IQGAP1: variants seen among roughly 807,000 people sequenced by gnomAD.
IQGAP1 encodes IQ motif containing GTPase activating protein 1.
A neutral mutation model predicts 215.6 loss-of-function variants in IQGAP1; 66 were observed. The ratio of observed to expected loss-of-function variants is 0.31; its 90% confidence interval spans 0.25 to 0.38. The LOEUF (loss-of-function observed/expected upper bound fraction) is 0.38, where lower values mean the gene tolerates loss of function less well. Ranked by LOEUF, IQGAP1 falls within the 10% of genes least tolerant of loss-of-function variation. The pLI, the probability that IQGAP1 is intolerant of heterozygous loss-of-function variation, is 1.00. For missense variants in IQGAP1, 1,712 were observed against 1,997.1 expected, an observed-to-expected ratio of 0.86 and a Z score of 2.72; for synonymous variants, 772 against 728.7, an observed-to-expected ratio of 1.06 and a Z score of -0.96.
At chr15:90,438,568 A>G (rs942344128) in intron 5 of IQGAP1, among the ~76,000 whole-genome samples, 1 of 152,190 alleles carries the variant, frequency 6.6e-6, no homozygotes, top group African/African-American at 2.4e-5. Context: ...ACCTGGATTA[A>G]ACTTTTCCAT....
At chr15:90,441,842 TC>T (rs1965455214) in intron 8 of IQGAP1, among the ~76,000 whole-genome samples, 158 bp downstream of exon 8, 1 of 152,200 alleles carries the variant, frequency 6.6e-6, no homozygotes, top group African/African-American at 2.4e-5. Flanking sequence ...GTATATGTGA[TC>T]ATTTAACCAT....
intron 2 of IQGAP1, among the ~76,000 whole-genome samples, chr15:90,419,011 G>T (rs981439074): frequency 2.0e-4 from 31 of 152,154 alleles, no homozygotes; most frequent in African/African-American, 7.0e-4. Flanking sequence ...GCCGGGTGTT[G>T]TGGCACATGC....
intron 2 of IQGAP1, among the ~76,000 whole-genome samples, chr15:90,415,988 C>G (rs1295673268): frequency 2.0e-5 from 3 of 151,552 alleles, no homozygotes; most frequent in Non-Finnish European, 2.9e-5. Context: ...TTTTTTTGTC[C>G]TTTGTATTAT....
At chr15:90,450,745 T>G (rs1005861748) in intron 11 of IQGAP1, among the ~76,000 whole-genome samples, 1 of 152,110 alleles carries the variant, frequency 6.6e-6, no homozygotes, top group African/African-American at 2.4e-5. Flanking sequence ...TTTGTGTGTC[T>G]TCTTTTGATA....
At chr15:90,404,072 C>T (rs1016352) in intron 2 of IQGAP1, among the ~76,000 whole-genome samples, 2,398 of 152,320 alleles carry the variant, frequency 0.016, 62 homozygotes, top group African/African-American at 0.054. Flanking sequence ...AACCTGTCAA[C>T]GGACATTTTC....
intron 2 of IQGAP1, among the ~76,000 whole-genome samples, chr15:90,408,675 C>A (rs922937216): frequency 5.9e-5 from 9 of 152,130 alleles, no homozygotes; most frequent in Non-Finnish European, 1.5e-5. Context: ...TGTGGGCATC[C>A]CTGTCTCTAC....
At chr15:90,398,899 T>C (rs1016622813) in intron 2 of IQGAP1, among the ~76,000 whole-genome samples, 1 of 149,422 alleles carries the variant, frequency 6.7e-6, no homozygotes, top group Non-Finnish European at 1.5e-5. Context: ...CCAGCTACTC[T>C]GGAAGCTGAG....
chr15:90,440,530 G>A lies in IQGAP1; in HGVS notation c.564G>A (p.Glu188=). 1 of 1,567,798 alleles carries A rather than the reference G, an allele frequency of 6.4e-7. No individual in the cohort carries two copies. Among genetic ancestry groups the A allele is most frequent in the South Asian group, 1.2e-5 (1 of 85,150 alleles). The change falls in exon 7 of 38, where the codon GAG becomes GAA. Residue 188 remains glutamate, a synonymous_variant. Transcript: ENST00000268182. ...TEEEINNMKT[E]LEKYGIQMPA... ...AAGAAATCAACAACATGAAGACTGA[G>A]TTGGAGAAGTATGGCATCCAGATGC...
chr15:90,401,326 G>T (rs1964801612), intron 2 of IQGAP1, among the ~76,000 whole-genome samples: 1 of 151,944 alleles, frequency 6.6e-6, no homozygotes, highest in African/African-American at 2.4e-5. Flanking sequence ...TTGAATGTTG[G>T]GTTAAAATTT....
chr15:90,472,937 A>G lies in IQGAP1; in HGVS notation c.2276A>G (p.Tyr759Cys), dbSNP rs780223589. The change falls in exon 19 of 38, where the codon TAC becomes TGC. Residue 759 changes from tyrosine to cysteine, a missense_variant. By Grantham distance (194) the Tyr-to-Cys change is radical. Around this residue, in one of 2 missense-constraint regions of IQGAP1, gnomAD observed 1,021 missense variants for 1,074.2 expected, o/e 0.95. Coordinates refer to ENST00000268182, the MANE Select transcript of IQGAP1 (RefSeq NM_003870.4). ...ITRLQARCRGYLVRQEFRSRM... is the reference protein window; with the variant it reads ...ITRLQARCRGCLVRQEFRSRM... ...AGGCTGCAGGCTCGCTGCCGTGGAT[A>G]CTTAGTTCGACAGGAATTCCGATCC... The G allele has an allele frequency of 4.3e-6, 7 of 1,614,116 alleles. No individual in the cohort carries two copies. The highest frequency in any genetic ancestry group is 5.9e-6 in the Non-Finnish European group (7 of 1,179,988).
Position 90,477,057 on chromosome 15 carries a change from T to A in IQGAP1, c.2941-10T>A. On this transcript the variant is annotated splice_polypyrimidine_tract_variant and intron_variant, in intron 24 of 37. Transcript: ENST00000268182. The stretch of plus-strand genomic sequence containing the variant: ...ACCTACAAATGACTTATCCCTTGGT[T>A]TTATTTCAGACCAATCCCACCTATC... 2 of 1,613,352 alleles carry A rather than the reference T, an allele frequency of 1.2e-6. No homozygotes were observed. Among genetic ancestry groups the A allele is most frequent in the Non-Finnish European group, 1.7e-6 (2 of 1,179,652 alleles).
chr15:90,483,694 G>A (rs944584923), intron 29 of IQGAP1, 101 bp downstream of exon 29: 2 of 799,934 alleles, frequency 2.5e-6, no homozygotes, highest in Non-Finnish European at 2.0e-6. Flanking sequence ...TCCCCGGACT[G>A]CCATATGTAG....
intron 15 of IQGAP1, among the ~76,000 whole-genome samples, chr15:90,459,601 G>A (rs1261279177): frequency 8.5e-5 from 13 of 152,288 alleles, no homozygotes; most frequent in East Asian, 1.9e-4. Context: ...GGAGGAAGTC[G>A]GGGGAGTTAA....
rs1467442553 is a variant in IQGAP1, at chr15:90,422,630, A to ATG, written c.156-3479_156-3478insGT. Among the ~76,000 whole-genome samples, 690 of 72,032 alleles carry ATG rather than the reference A, an allele frequency of 9.6e-3. 24 individuals are homozygous for ATG. The highest frequency in any genetic ancestry group is 0.038 in the African/African-American group (673 of 17,490). 47.3% of individuals were successfully genotyped at this position (72,032 alleles called of 152,430 possible). A position where few individuals can be genotyped will look rare whatever the true frequency, so the allele number is the denominator to read the frequency against. ...CATTCATATATATATATATATGTATATATATATATGTATATGTATATATAT... is the reference window on the plus strand; with the variant it reads ...CATTCATATATATATATATATGTATATGTATATATATGTATATGTATATATAT... On this transcript the variant is annotated intron_variant, in intron 2 of 37. Transcript: ENST00000268182.
chr15:90,412,740 A>G (rs1239858829), intron 2 of IQGAP1, among the ~76,000 whole-genome samples: 1 of 152,214 alleles, frequency 6.6e-6, no homozygotes, highest in Non-Finnish European at 1.5e-5. Flanking sequence ...GTGGAGAAAG[A>G]CAGCCAAATT....
At chr15:90,395,289 A>C (rs1441265200) in intron 2 of IQGAP1, among the ~76,000 whole-genome samples, 1 of 150,642 alleles carries the variant, frequency 6.6e-6, no homozygotes, top group Non-Finnish European at 1.5e-5. Flanking sequence ...TGAGTTTTAC[A>C]TTTGTTTAGG....
At position 90,460,516 on chromosome 15, in the gene IQGAP1, G is replaced by C. The variant is rs541351418; in HGVS notation, c.1776+4201G>C. Among the ~76,000 whole-genome samples, 10 of 152,318 alleles carry C rather than the reference G, an allele frequency of 6.6e-5. No homozygotes were observed. The East Asian group carries it at 1.9e-3, about 29-fold the overall frequency. ...TCAGGTCAAATAAAGACAGCCATGC[G>C]AGTGTGACCTCTGAACAGGTCAGCT... On this transcript the variant is annotated intron_variant, in intron 15 of 37. Transcript: ENST00000268182.
chr15:90,393,222 C>T (rs552829406), intron 2 of IQGAP1, among the ~76,000 whole-genome samples: 39 of 151,992 alleles, frequency 2.6e-4, no homozygotes, highest in Non-Finnish European at 4.3e-4. Context: ...GGTTTGGTTC[C>T]AGGACACCTG....
At chr15:90,465,833 T>G (rs923835263) in intron 15 of IQGAP1, among the ~76,000 whole-genome samples, 168 bp from the exon 16 acceptor site, 5 of 152,084 alleles carry the variant, frequency 3.3e-5, no homozygotes, top group African/African-American at 1.2e-4. Flanking sequence ...TCCAACTTTT[T>G]ACCAGTTTTT....
Sources: allele counts gnomAD v4.1 joint callset (sites outside exome capture counted in the v4.1 genomes callset), GRCh38; gene constraint gnomAD v4.1.1; regional missense constraint gnomAD v4.1.1; transcripts MANE v1.5; gene names NCBI Gene and HGNC (gene_info 2026-07-23, HGNC 2026-07-21).